The following RAB33A variants were observed in gnomAD, a reference collection of about 807,000 sequenced individuals.
The protein encoded by RAB33A is ras-related protein Rab-33A.
In RAB33A, 6 loss-of-function variants were observed where a neutral mutation model predicts 12.0. That is an observed-to-expected ratio of 0.50 (90% CI 0.27 to 0.99). The LOEUF (loss-of-function observed/expected upper bound fraction) is 0.99. Among genes scored for constraint, RAB33A ranks in the 50% least tolerant of loss-of-function variants. The pLI is 0.11. For synonymous variants in RAB33A, 70 were observed against 82.4 expected (o/e 0.85, Z 0.81); for missense variants, 109 against 192.0 (o/e 0.57, Z 2.55).
chrX:130,165,438 G>A, the RAB33A span: 1 of 644,712 alleles, frequency 1.6e-6, no homozygotes, highest in East Asian at 3.5e-5. Flanking sequence ...TGGAATTCAC[G>A]TGACTATGTG....
At chrX:130,164,368 T>C in the RAB33A span, among the ~76,000 whole-genome samples, 4 of 112,454 alleles carry the variant, frequency 3.6e-5, no homozygotes, top group Non-Finnish European at 7.5e-5. Flanking sequence ...ACATTTTCAT[T>C]GTGCATAGCA....
chrX:130,162,230 G>C, the RAB33A span, among the ~76,000 whole-genome samples: 2 of 112,013 alleles, frequency 1.8e-5, no homozygotes, highest in Non-Finnish European at 3.8e-5. Flanking sequence ...AAATGAGCTT[G>C]ATACAAATCA....
chrX:130,180,117 C>G lies in RAB33A; in HGVS notation c.259-4168C>G, dbSNP rs144304118. Among the ~76,000 whole-genome samples the G allele has an allele frequency of 9.8e-4, 108 of 110,650 alleles. No individual in the cohort carries two copies. The East Asian group carries it at 0.026, about 26-fold the overall frequency. ...GAGTGGACTAGCATGACCCAAAGTA[C>G]AGAGGAGGGAATCAACCAGGTGTAG... On this transcript the variant is annotated intron_variant, in intron 1 of 1. Coordinates refer to ENST00000257017, the MANE Select transcript of RAB33A (RefSeq NM_004794.3).
the RAB33A span, chrX:130,147,389 C>T: frequency 1.9e-6 from 2 of 1,059,769 alleles, no homozygotes; most frequent in Non-Finnish European, 1.3e-6. Context: ...TAGTGGACAG[C>T]CAAGCCATCC....
chrX:130,176,982 CCT>C (rs1569426333), intron 1 of RAB33A, among the ~76,000 whole-genome samples: 1 of 112,450 alleles, frequency 8.9e-6, no homozygotes, highest in Non-Finnish European at 1.9e-5. Context: ...AAGAAATCCC[CCT>C]GTCAGCTAAG....
At chrX:130,136,874 C>A in the RAB33A span, 1 of 1,011,200 alleles carries the variant, frequency 9.9e-7, no homozygotes. Flanking sequence ...GAACCTACAC[C>A]CATGGTTCAT....
the RAB33A span, among the ~76,000 whole-genome samples, chrX:130,139,315 G>A: frequency 9.2e-6 from 1 of 108,612 alleles, no homozygotes; most frequent in Admixed American, 9.9e-5. Context: ...CTGGGTGATA[G>A]AGCGAGATTC....
chrX:130,169,985 C>T (rs2031588412), upstream of RAB33A, among the ~76,000 whole-genome samples: 1 of 111,785 alleles, frequency 8.9e-6, no homozygotes, highest in Non-Finnish European at 1.9e-5. Flanking sequence ...TAATCAAAAC[C>T]AAAAATACTG....
upstream of RAB33A, among the ~76,000 whole-genome samples, chrX:130,168,983 G>A (rs752244967): frequency 1.9e-4 from 21 of 110,224 alleles, no homozygotes; most frequent in Admixed American, 5.8e-4. Flanking sequence ...CAAGGCGGGC[G>A]GATCACGAGG....
chrX:130,139,935 C>T, the RAB33A span: 1 of 932,609 alleles, frequency 1.1e-6, no homozygotes, highest in Non-Finnish European at 1.5e-6. Flanking sequence ...ACAATACTCC[C>T]TCCACCACAC....
upstream of RAB33A, among the ~76,000 whole-genome samples, chrX:130,169,003 C>A (rs375431165): frequency 9.1e-6 from 1 of 109,838 alleles, no homozygotes; most frequent in Admixed American, 9.7e-5. Context: ...GTCCGGAGAT[C>A]GAGACCAGCC....
chrX:130,120,696 C>T, the RAB33A span, among the ~76,000 whole-genome samples: 1 of 112,330 alleles, frequency 8.9e-6, no homozygotes, highest in South Asian at 3.6e-4. Flanking sequence ...ACTCTCCCGC[C>T]AGTGGGGTGG....
the RAB33A span, chrX:130,165,472 G>A: frequency 2.4e-6 from 2 of 839,587 alleles, no homozygotes; most frequent in Non-Finnish European, 3.5e-6. Flanking sequence ...GGGGACGCGG[G>A]GGTAGAGGGC....
At chrX:130,132,060 C>T in the RAB33A span, among the ~76,000 whole-genome samples, 1 of 111,095 alleles carries the variant, frequency 9.0e-6, no homozygotes, top group African/African-American at 3.3e-5. Context: ...TTAGTAGAGA[C>T]GGGGTTTTAC....
chrX:130,122,193 A>G, the RAB33A span, among the ~76,000 whole-genome samples: 1 of 112,194 alleles, frequency 8.9e-6, no homozygotes, highest in Non-Finnish European at 1.9e-5. Context: ...GGATTGTCTC[A>G]TCACCTCTCC....
the RAB33A span, among the ~76,000 whole-genome samples, chrX:130,111,151 C>A: frequency 9.1e-6 from 1 of 109,295 alleles, no homozygotes; most frequent in African/African-American, 3.3e-5. Context: ...GCGGCTCGCT[C>A]GCGCCCGGGG....
At chrX:130,147,697 G>A in the RAB33A span, 1 of 1,209,673 alleles carries the variant, frequency 8.3e-7, no homozygotes, top group East Asian at 3.0e-5. Flanking sequence ...ATTCACATTA[G>A]CTAAATGCTT....
At chrX:130,142,449 T>C in the RAB33A span, among the ~76,000 whole-genome samples, 2 of 111,346 alleles carry the variant, frequency 1.8e-5, no homozygotes, top group Non-Finnish European at 3.8e-5. Flanking sequence ...GATGTGATCT[T>C]CCATAGCTTC....
chrX:130,179,705 T>C (rs774639859), intron 1 of RAB33A, among the ~76,000 whole-genome samples: 1 of 99,853 alleles, frequency 1.0e-5, no homozygotes, highest in Non-Finnish European at 2.0e-5. Flanking sequence ...AGTCAGACGT[T>C]CTCTCTGAAA....
Sources: gnomAD v4.1 joint callset for allele counts (sites outside exome capture counted in the v4.1 genomes callset) on GRCh38, gnomAD v4.1.1 for gene constraint, MANE v1.5 for transcripts, NCBI Gene and HGNC (gene_info 2026-07-23, HGNC 2026-07-21) for gene names.